Variants in BMPR1B observed in about 807,000 individuals in gnomAD.
The protein encoded by BMPR1B is bone morphogenetic protein receptor type-1B.
Under a neutral mutation model 59.1 loss-of-function variants are expected in BMPR1B, and 12 were observed. The ratio of observed to expected loss-of-function variants is 0.20; its 90% confidence interval spans 0.13 to 0.33. BMPR1B has a LOEUF of 0.33. Among genes scored for constraint, BMPR1B ranks in the 10% least tolerant of loss-of-function variants. BMPR1B has a pLI of 1.00. For missense variants in BMPR1B, 550 were observed against 610.9 expected (o/e 0.90, Z 1.05); for synonymous variants, 237 against 207.3 (o/e 1.14, Z -1.23).
chr4:94,939,940 C>T (rs1290117817), intron 2 of BMPR1B, among the ~76,000 whole-genome samples: 2 of 152,124 alleles, frequency 1.3e-5, no homozygotes, highest in Non-Finnish European at 1.5e-5. Context: ...GTGATCAGTG[C>T]TTTAACTTGA....
intron 1 of BMPR1B, among the ~76,000 whole-genome samples, chr4:94,856,420 G>C (rs1012163861): frequency 2.6e-5 from 4 of 152,174 alleles, no homozygotes; most frequent in Non-Finnish European, 5.9e-5. Context: ...ACCTGGGAGA[G>C]GGGGAGCAGC....
chr4:95,147,672 G>A (rs1397019511), intron 10 of BMPR1B, among the ~76,000 whole-genome samples: 1 of 152,108 alleles, frequency 6.6e-6, no homozygotes, highest in Non-Finnish European at 1.5e-5. Context: ...TGGTTTTATA[G>A]TATACCTTAT....
At chr4:94,763,369 A>G (rs72669028) in intron 1 of BMPR1B, among the ~76,000 whole-genome samples, 11,880 of 152,254 alleles carry the variant, frequency 0.078, 554 homozygotes, top group African/African-American at 0.13. Context: ...GTGCTAGGAC[A>G]TAGTAGGCAT....
chr4:95,078,946 A>G (rs1005668696), intron 3 of BMPR1B, among the ~76,000 whole-genome samples: 2 of 152,018 alleles, frequency 1.3e-5, no homozygotes, highest in Admixed American at 1.3e-4. Context: ...TTTTGTAGAG[A>G]CAGGGATTCA....
chr4:95,028,501 C>T (rs1184395867), intron 3 of BMPR1B, among the ~76,000 whole-genome samples: 2 of 152,026 alleles, frequency 1.3e-5, no homozygotes, highest in Admixed American at 1.3e-4. Context: ...TTCTTGTCTC[C>T]CATGGCTGGA....
In BMPR1B at chr4:94,970,309, TCTCTC is replaced by T. The variant is rs1392259763; in HGVS notation, c.-112-25730_-112-25726del. Among the ~76,000 whole-genome samples the T allele has an allele frequency of 6.4e-5, 9 of 141,178 alleles. No individual in the cohort carries two copies. The East Asian group carries it at 1.2e-3, about 20-fold the overall frequency. 92.6% of individuals were successfully genotyped at this position (141,178 alleles called of 152,430 possible). ...CTCTTCTCTTCTCTTCTCTTCTTTC[TCTCTC>T]TCTTTCTCTCTTTTTCTCTTTCGGA... On this transcript the variant is annotated intron_variant, in intron 2 of 12. Coordinates refer to ENST00000515059, the MANE Select transcript of BMPR1B (RefSeq NM_001203.3).
chr4:94,887,418 A>C (rs1305672474), intron 2 of BMPR1B, among the ~76,000 whole-genome samples: 3 of 149,914 alleles, frequency 2.0e-5, no homozygotes, highest in Non-Finnish European at 3.0e-5. Flanking sequence ...AAAAAAAAAA[A>C]AAAAACAAGA....
chr4:94,817,426 A>G (rs775984957), intron 1 of BMPR1B, among the ~76,000 whole-genome samples: 1 of 152,134 alleles, frequency 6.6e-6, no homozygotes, highest in Non-Finnish European at 1.5e-5. Flanking sequence ...AGTTTCAGAA[A>G]TTTCTACTTT....
chr4:95,042,905 G>A (rs1317954435), intron 3 of BMPR1B, among the ~76,000 whole-genome samples: 1 of 151,988 alleles, frequency 6.6e-6, no homozygotes, highest in African/African-American at 2.4e-5. Context: ...GCCGGGCGCG[G>A]TGGCTCACGC....
intron 2 of BMPR1B, among the ~76,000 whole-genome samples, chr4:94,916,595 C>T (rs538951391): frequency 4.6e-5 from 7 of 152,194 alleles, no homozygotes; most frequent in Non-Finnish European, 8.8e-5. Flanking sequence ...ACAACCTACA[C>T]TCAGATGCAG....
intron 2 of BMPR1B, among the ~76,000 whole-genome samples, chr4:94,965,315 A>G (rs1240044464): frequency 2.0e-5 from 3 of 152,100 alleles, no homozygotes; most frequent in Non-Finnish European, 4.4e-5. Flanking sequence ...TTCTCATCTC[A>G]TATTTCTTGT....
At chr4:94,880,118 A>G (rs1447051244) in intron 2 of BMPR1B, among the ~76,000 whole-genome samples, 1 of 152,114 alleles carries the variant, frequency 6.6e-6, no homozygotes, top group African/African-American at 2.4e-5. Flanking sequence ...TGTTAAGTAT[A>G]TGTGTGTTTC....
chr4:95,099,077 A>AGAATG, intron 3 of BMPR1B, among the ~76,000 whole-genome samples: 1 of 152,172 alleles, frequency 6.6e-6, no homozygotes, highest in Non-Finnish European at 1.5e-5. Context: ...ATTGTAGATT[A>AGAATG]TAGAATGTAG....
intron 2 of BMPR1B, among the ~76,000 whole-genome samples, chr4:94,959,849 T>A (rs552885768): frequency 6.6e-6 from 1 of 152,246 alleles, no homozygotes; most frequent in South Asian, 2.1e-4. Flanking sequence ...GTGCATTATT[T>A]ATTATTTTTG....
intron 3 of BMPR1B, among the ~76,000 whole-genome samples, chr4:95,019,019 T>G (rs1723785040): frequency 6.6e-6 from 1 of 152,192 alleles, no homozygotes; most frequent in South Asian, 2.1e-4. Context: ...TGCATGAACT[T>G]TCAACAGTTT....
chr4:94,787,825 T>A (rs2110596726), intron 1 of BMPR1B, among the ~76,000 whole-genome samples: 1 of 152,254 alleles, frequency 6.6e-6, no homozygotes, highest in East Asian at 1.9e-4. Context: ...CACACAGTAT[T>A]TCCTTTGACC....
chr4:95,131,415 G>C lies in BMPR1B; in HGVS notation c.979G>C (p.Ala327Pro). The C allele has an allele frequency of 6.2e-7, 1 of 1,614,008 alleles. No individual in the cohort carries two copies. Among genetic ancestry groups the C allele is most frequent in the Admixed American group, 1.7e-5 (1 of 59,970 alleles). Residue 327 changes from alanine to proline, a missense_variant, in exon 10 of 13, where the codon GCA becomes CCA. Ala to Pro is a conservative substitution (Grantham distance 27). Transcript: ENST00000515059. ...TEIFSTQGKP[A>P]IAHRDLKSKN... ...AATCTTTAGTACTCAAGGCAAACCA[G>C]CAATTGCCCATCGAGATCTGAAAAG...
chr4:94,842,070 G>A (rs1338544826), intron 1 of BMPR1B, among the ~76,000 whole-genome samples: 2 of 152,154 alleles, frequency 1.3e-5, no homozygotes, highest in Non-Finnish European at 2.9e-5. Context: ...GATGGGAAGG[G>A]AGAGTGCACA....
Position 94,968,963 on chromosome 4 carries a change from C to T in BMPR1B, c.-112-27077C>T, listed in dbSNP as rs1227069579. 2.6e-5 allele frequency among the ~76,000 whole-genome samples: 4 copies of T among 152,184 alleles called. No individual in the cohort carries two copies. The South Asian group carries it at 8.3e-4, about 32-fold the overall frequency. Reference sequence around the variant, plus strand: ...TTTCTATTCACAATTCCCAGCTTTACCCTGTTCCTTTTTTGGTGGATTTTC... The same window carrying T: ...TTTCTATTCACAATTCCCAGCTTTATCCTGTTCCTTTTTTGGTGGATTTTC... On this transcript the variant is annotated intron_variant, in intron 2 of 12. Coordinates refer to ENST00000515059, the MANE Select transcript of BMPR1B (RefSeq NM_001203.3).
Sources: allele counts gnomAD v4.1 joint callset (sites outside exome capture counted in the v4.1 genomes callset), GRCh38; gene constraint gnomAD v4.1.1; transcripts MANE v1.5; gene names NCBI Gene and HGNC (gene_info 2026-07-23, HGNC 2026-07-21).